The following YAF2 variants were observed in gnomAD, a reference collection of about 807,000 sequenced individuals.
YAF2 encodes YY1 associated factor 2.
YAF2 carries 7 observed loss-of-function variants against 20.1 expected under a neutral mutation model. The observed-to-expected ratio is 0.35, with a 90% CI of 0.20 to 0.65. The LOEUF is 0.65. Ranked by LOEUF, YAF2 falls within the 30% of genes least tolerant of loss-of-function variation. YAF2 has a pLI of 0.69. For synonymous variants in YAF2, 74 were observed against 76.0 expected, an observed-to-expected ratio of 0.97 and a Z score of 0.14; for missense variants, 151 against 219.2, an observed-to-expected ratio of 0.69 and a Z score of 1.96.
intron 2 of YAF2, chr12:42,235,557 A>G (rs1424947064): frequency 8.0e-6 from 11 of 1,374,738 alleles, no homozygotes; most frequent in Non-Finnish European, 9.4e-6. Flanking sequence ...TCAAAAGAGA[A>G]GAGAATTCAG....
At position 42,185,448 on chromosome 12, in the gene YAF2, G is replaced by T. The variant is rs539523857; in HGVS notation, c.153-23683C>A. On this transcript the variant is annotated intron_variant, in intron 2 of 3. Coordinates refer to ENST00000534854, the MANE Select transcript of YAF2 (RefSeq NM_005748.6). ...GCTTGAGAGGACTGGCTTAAATTTT[G>T]AAAGAAGTTTTGCTGTGAGTAAAAT... Among the ~76,000 whole-genome samples, 6 of 152,346 alleles carry T rather than the reference G, an allele frequency of 3.9e-5. No homozygotes were observed. The South Asian group carries it at 1.2e-3, about 32-fold the overall frequency.
chr12:42,201,959 T>C (rs1364779719), intron 2 of YAF2, among the ~76,000 whole-genome samples: 1 of 152,228 alleles, frequency 6.6e-6, no homozygotes, highest in Non-Finnish European at 1.5e-5. Context: ...GGTTCATTCT[T>C]CTTTTCCTGA....
chr12:42,228,659 G>A (rs1190663550), intron 2 of YAF2, among the ~76,000 whole-genome samples: 1 of 113,306 alleles, frequency 8.8e-6, no homozygotes, highest in East Asian at 2.9e-4. Context: ...AGGGAGGTGG[G>A]GGGGGGGTCA....
rs1211271814 is a variant in YAF2 at position 42,210,572 on chromosome 12, G to A, written c.152+27027C>T. 16 of 1,535,898 alleles carry A rather than the reference G, an allele frequency of 1.0e-5. No individual in the cohort carries two copies. In the Admixed American group the frequency reaches 1.4e-4, roughly 13 times the overall value. On this transcript the variant is annotated intron_variant, in intron 2 of 3. Coordinates refer to ENST00000534854, the MANE Select transcript of YAF2 (RefSeq NM_005748.6). The stretch of plus-strand genomic sequence containing the variant: ...CCTTCCTGAAATTGGAAATTTCAAC[G>A]GTTCCTTGGTCCTCGAGGCACTCAC...
chr12:42,219,420 A>G (rs2067451079), intron 2 of YAF2, among the ~76,000 whole-genome samples: 4 of 152,246 alleles, frequency 2.6e-5, no homozygotes, highest in Admixed American at 2.6e-4. Flanking sequence ...AGCTGTGTAC[A>G]GATACTGGGA....
chr12:42,225,029 C>G, intron 2 of YAF2, among the ~76,000 whole-genome samples: 1 of 152,212 alleles, frequency 6.6e-6, no homozygotes, highest in Non-Finnish European at 1.5e-5. Context: ...CACATCCTCT[C>G]CAGCATCTGT....
chr12:42,170,405 C>T (rs975303479), intron 2 of YAF2, among the ~76,000 whole-genome samples: 1 of 152,176 alleles, frequency 6.6e-6, no homozygotes, highest in African/African-American at 2.4e-5. Context: ...GCTCATTTAT[C>T]TTGCGTATCT....
intron 2 of YAF2, chr12:42,233,340 T>G: frequency 2.0e-6 from 2 of 985,236 alleles, no homozygotes; most frequent in Non-Finnish European, 2.4e-6. Context: ...AACCAATAAT[T>G]CTATCATTTT....
chr12:42,189,214 C>G (rs1158439547), intron 2 of YAF2, among the ~76,000 whole-genome samples: 1 of 152,072 alleles, frequency 6.6e-6, no homozygotes, highest in Non-Finnish European at 1.5e-5. Context: ...AGTAAATAAT[C>G]AACTACAACT....
chr12:42,173,646 T>C (rs1368045463), intron 2 of YAF2, among the ~76,000 whole-genome samples: 1 of 152,174 alleles, frequency 6.6e-6, no homozygotes. Context: ...AATACTACTC[T>C]AGCTTAACCC....
chr12:42,195,641 C>T (rs987004720), intron 2 of YAF2, among the ~76,000 whole-genome samples: 36 of 152,236 alleles, frequency 2.4e-4, no homozygotes, highest in African/African-American at 8.2e-4. Context: ...TAAATATTTA[C>T]AATGTACCTA....
chr12:42,203,587 T>C (rs192974632), intron 2 of YAF2, among the ~76,000 whole-genome samples: 1 of 152,336 alleles, frequency 6.6e-6, no homozygotes, highest in Admixed American at 6.5e-5. Context: ...AGAGTGGTTT[T>C]TTAAAACTTT....
At chr12:42,169,429 T>C (rs895301110) in intron 2 of YAF2, among the ~76,000 whole-genome samples, 1 of 152,184 alleles carries the variant, frequency 6.6e-6, no homozygotes, top group Non-Finnish European at 1.5e-5. Flanking sequence ...TTTTCTTTTT[T>C]TTCGGAGACA....
intron 2 of YAF2, among the ~76,000 whole-genome samples, chr12:42,207,852 C>T (rs1008228885): frequency 3.9e-5 from 6 of 152,058 alleles, no homozygotes; most frequent in Admixed American, 2.0e-4. Context: ...GATCGTGCCA[C>T]TGCACTCCAG....
chr12:42,182,273 C>T (rs2066363130), intron 2 of YAF2, among the ~76,000 whole-genome samples: 1 of 151,944 alleles, frequency 6.6e-6, no homozygotes, highest in Non-Finnish European at 1.5e-5. Context: ...TATGATGTGG[C>T]CGGGTATTTT....
chr12:42,196,818 G>A (rs1442706582), intron 2 of YAF2, among the ~76,000 whole-genome samples: 1 of 152,154 alleles, frequency 6.6e-6, no homozygotes, highest in Non-Finnish European at 1.5e-5. Flanking sequence ...TAACATTGAA[G>A]GGTCTAAACA....
At chr12:42,220,780 T>G (rs2067488998) in intron 2 of YAF2, among the ~76,000 whole-genome samples, 1 of 152,224 alleles carries the variant, frequency 6.6e-6, no homozygotes, top group Non-Finnish European at 1.5e-5. Flanking sequence ...TTAATTCATA[T>G]GTCTAAAAAT....
At chr12:42,183,788 C>T (rs1041970511) in intron 2 of YAF2, among the ~76,000 whole-genome samples, 9 of 152,094 alleles carry the variant, frequency 5.9e-5, no homozygotes, top group African/African-American at 1.9e-4. Flanking sequence ...TCAATGTAGA[C>T]AAAAAAGCAT....
intron 2 of YAF2, among the ~76,000 whole-genome samples, chr12:42,202,288 C>T (rs990131621): frequency 6.6e-6 from 1 of 152,148 alleles, no homozygotes; most frequent in Non-Finnish European, 1.5e-5. Flanking sequence ...AACAGAGGTA[C>T]TTACATAAAG....
Sources: gnomAD v4.1 joint callset for allele counts (sites outside exome capture counted in the v4.1 genomes callset) on GRCh38, gnomAD v4.1.1 for gene constraint, MANE v1.5 for transcripts, NCBI Gene and HGNC (gene_info 2026-07-23, HGNC 2026-07-21) for gene names.